Variants in HAUS6 observed in about 807,000 individuals in gnomAD.
The protein encoded by HAUS6 is HAUS augmin like complex subunit 6.
HAUS6 carries 80 observed loss-of-function variants against 106.8 expected under a neutral mutation model. That is an observed-to-expected ratio of 0.75 (90% CI 0.63 to 0.90). The LOEUF (loss-of-function observed/expected upper bound fraction) is 0.90. HAUS6 is among the 40% of genes least tolerant of loss of function. The pLI, the probability that HAUS6 is intolerant of heterozygous loss-of-function variation, is 0.00. For synonymous variants in HAUS6, 356 were observed against 379.1 expected (o/e 0.94, Z 0.71); for missense variants, 1,155 against 1,118.1 (o/e 1.03, Z -0.47).
intron 14 of HAUS6, 126 bp from the exon 15 acceptor site, chr9:19,060,349 A>G (rs1455533665): frequency 1.5e-6 from 1 of 679,756 alleles, no homozygotes; most frequent in Non-Finnish European, 2.4e-6. Flanking sequence ...CAACACAAAA[A>G]TAAGCAACAA....
At chr9:19,097,201 A>T (rs557111579) in intron 1 of HAUS6, among the ~76,000 whole-genome samples, 82 of 152,334 alleles carry the variant, frequency 5.4e-4, no homozygotes, top group Middle Eastern at 3.4e-3. Context: ...CAAGGACTGC[A>T]TGTCTAAAAC....
At chr9:19,090,550 G>C (rs957510354) in intron 4 of HAUS6, among the ~76,000 whole-genome samples, 20 of 152,146 alleles carry the variant, frequency 1.3e-4, no homozygotes, top group Admixed American at 9.8e-4. Context: ...AATTTTAGTA[G>C]AGACGGGTTT....
chr9:19,090,919 T>A (rs558367292), intron 4 of HAUS6, among the ~76,000 whole-genome samples: 11 of 152,168 alleles, frequency 7.2e-5, no homozygotes, highest in Non-Finnish European at 1.2e-4. Context: ...CATGGTTCAA[T>A]ACAACAAAAA....
intron 6 of HAUS6, 133 bp from the exon 7 acceptor site, chr9:19,086,915 G>A (rs111581612): frequency 4.5e-5 from 28 of 619,138 alleles, no homozygotes; most frequent in African/African-American, 3.0e-4. Flanking sequence ...ATCTGAAAGC[G>A]ATAATAATTT....
intron 1 of HAUS6, among the ~76,000 whole-genome samples, chr9:19,100,708 T>C (rs1461379232): frequency 2.0e-5 from 3 of 152,134 alleles, no homozygotes; most frequent in African/African-American, 7.2e-5. Flanking sequence ...AACAGATGAA[T>C]GGATAAAGAA....
intron 5 of HAUS6, among the ~76,000 whole-genome samples, chr9:19,088,642 CG>C (rs1324783114): frequency 6.7e-6 from 1 of 149,280 alleles, no homozygotes; most frequent in Non-Finnish European, 1.5e-5. Context: ...CCAAGGCAGG[CG>C]GATCACTTGA....
intron 12 of HAUS6, among the ~76,000 whole-genome samples, chr9:19,063,959 T>C (rs934628926): frequency 7.5e-6 from 1 of 132,840 alleles, no homozygotes; most frequent in Non-Finnish European, 1.6e-5. Context: ...TTGTAGCAGA[T>C]CCTTTATTTT....
At chr9:19,088,991 T>G (rs1817689500) in intron 5 of HAUS6, among the ~76,000 whole-genome samples, 1 of 151,962 alleles carries the variant, frequency 6.6e-6, no homozygotes, top group Admixed American at 6.5e-5. Flanking sequence ...GTCTGTAATC[T>G]CAGCACTTTG....
chr9:19,078,341 C>T lies in HAUS6; in HGVS notation c.1065-39G>A, dbSNP rs557403361. ...AAAAAACTTTATTCAAAAGATGATA[C>T]AAAAAAAGCACTGAGTAAAATTTAA... is the stretch of plus-strand genomic sequence containing the variant. On this transcript the variant is annotated intron_variant, in intron 9 of 16. Coordinates refer to ENST00000380502, the MANE Select transcript of HAUS6 (RefSeq NM_017645.5). 2.2e-5 allele frequency: 26 copies of T among 1,183,014 alleles called. No individual in the cohort carries two copies. In the African/African-American group the frequency reaches 3.6e-4, roughly 16 times the overall value. The allele number at this position is 1,183,014 out of a possible 1,614,324, so 73.3% of individuals were successfully genotyped here.
chr9:19,054,209 A>G lies in HAUS6; in HGVS notation c.*2134T>C, dbSNP rs1836421348. The G allele has an allele frequency of 6.6e-6, 1 of 152,172 alleles. No homozygotes were observed. The highest frequency in any genetic ancestry group is 6.5e-5 in the Admixed American group (1 of 15,270). 9.4% of individuals were successfully genotyped at this position (152,172 alleles called of 1,614,324 possible). ...CCATGCTCACTGAAGCATTTCAGTA[A>G]AAAAATGGGAGATTACAGCGGAAGG... On this transcript the variant is annotated 3_prime_UTR_variant, in exon 17 of 17. Coordinates refer to ENST00000380502, the MANE Select transcript of HAUS6 (RefSeq NM_017645.5).
At chr9:19,096,046 T>C (rs1033592296) in intron 2 of HAUS6, among the ~76,000 whole-genome samples, 18 of 152,200 alleles carry the variant, frequency 1.2e-4, no homozygotes, top group Non-Finnish European at 2.2e-4. Context: ...CGGATTGATA[T>C]CATTTAATTG....
intron 3 of HAUS6, among the ~76,000 whole-genome samples, chr9:19,093,530 C>G (rs1047146923): frequency 1.3e-5 from 2 of 152,134 alleles, no homozygotes; most frequent in African/African-American, 4.8e-5. Flanking sequence ...TGGGTAAGGC[C>G]CCCAGGCCAC....
Position 19,062,968 on chromosome 9 carries a change from T to A in HAUS6, c.1629+40A>T, listed in dbSNP as rs376264729. On this transcript the variant is annotated intron_variant, in intron 14 of 16. Coordinates refer to ENST00000380502, the MANE Select transcript of HAUS6 (RefSeq NM_017645.5). ...GACATGGGCCACTGTGCCCATCCAA[T>A]AACTGATATTTAAGTATACTCATTA... 6.4e-5 allele frequency: 92 copies of A among 1,439,672 alleles called. No individual in the cohort carries two copies. The African/African-American group carries it at 1.2e-3, about 18-fold the overall frequency. 89.2% of individuals were successfully genotyped at this position (1,439,672 alleles called of 1,614,324 possible).
intron 7 of HAUS6, among the ~76,000 whole-genome samples, chr9:19,085,307 T>A (rs1349817147): frequency 6.6e-6 from 1 of 152,154 alleles, no homozygotes; most frequent in Non-Finnish European, 1.5e-5. Context: ...AAGAGACTGA[T>A]GTGAAAACTT....
intron 1 of HAUS6, among the ~76,000 whole-genome samples, chr9:19,098,774 G>A (rs901314842): frequency 1.3e-5 from 2 of 152,176 alleles, no homozygotes; most frequent in Admixed American, 1.3e-4. Context: ...TGTAATCCCA[G>A]CACTCTGGGA....
chr9:19,092,618 G>GAAAAAAAAA (rs754952207), intron 4 of HAUS6, among the ~76,000 whole-genome samples: 1 of 55,008 alleles, frequency 1.8e-5, no homozygotes, highest in Non-Finnish European at 3.2e-5. Context: ...CTCCGTCTCG[G>GAAAAAAAAA]AAAAAAAAAA....
chr9:19,085,727 C>G (rs1437567118), intron 7 of HAUS6, among the ~76,000 whole-genome samples: 1 of 152,010 alleles, frequency 6.6e-6, no homozygotes, highest in Non-Finnish European at 1.5e-5. Flanking sequence ...CCAAACCAGA[C>G]TCATTTTGAT....
intron 7 of HAUS6, among the ~76,000 whole-genome samples, chr9:19,084,695 C>A (rs2131138854): frequency 6.7e-6 from 1 of 150,102 alleles, no homozygotes; most frequent in Middle Eastern, 3.4e-3. Context: ...TGCAGTGGCA[C>A]AATCTTGGCT....
At chr9:19,067,987 C>A (rs971487866) in intron 12 of HAUS6, among the ~76,000 whole-genome samples, 2 of 151,612 alleles carry the variant, frequency 1.3e-5, no homozygotes, top group Non-Finnish European at 2.9e-5. Context: ...AGCCACCGCA[C>A]CTGGCCCCCC....
Sources: gnomAD v4.1 joint callset for allele counts (sites outside exome capture counted in the v4.1 genomes callset) on GRCh38, gnomAD v4.1.1 for gene constraint, MANE v1.5 for transcripts, NCBI Gene and HGNC (gene_info 2026-07-23, HGNC 2026-07-21) for gene names.